The following ABLIM3 variants were observed in gnomAD, a reference collection of about 807,000 sequenced individuals.
ABLIM3 encodes the protein actin binding LIM protein family member 3, also known as actin-binding LIM protein 3.
In ABLIM3, 61 loss-of-function variants were observed where a neutral mutation model predicts 109.5. That is an observed-to-expected ratio of 0.56 (90% CI 0.45 to 0.69). ABLIM3 has a LOEUF of 0.69. ABLIM3 is among the 30% of genes least tolerant of loss of function. The pLI is 0.00. For missense variants in ABLIM3, 796 were observed against 889.5 expected, an observed-to-expected ratio of 0.89 and a Z score of 1.34; for synonymous variants, 300 against 324.8, an observed-to-expected ratio of 0.92 and a Z score of 0.82.
At chr5:149,152,487 G>T (rs907461440) in intron 2 of ABLIM3, among the ~76,000 whole-genome samples, 2 of 152,118 alleles carry the variant, frequency 1.3e-5, no homozygotes, top group African/African-American at 4.8e-5. Flanking sequence ...TTCCCAGAAG[G>T]GTGATGTCAT....
chr5:149,178,191 C>T (rs149053236), intron 2 of ABLIM3, among the ~76,000 whole-genome samples: 3,419 of 152,316 alleles, frequency 0.022, 63 homozygotes, highest in Non-Finnish European at 0.031. Context: ...ACAAGCCCCA[C>T]CTTTATGTTT....
At chr5:149,258,167 AG>A in intron 23 of ABLIM3, 123 bp from the exon 24 acceptor site, 1 of 705,540 alleles carries the variant, frequency 1.4e-6, no homozygotes, top group East Asian at 2.8e-5. Flanking sequence ...GCACCATGCA[AG>A]GCACAGGGTG....
chr5:149,190,879 A>G (rs1252826657), intron 3 of ABLIM3, among the ~76,000 whole-genome samples: 2 of 152,232 alleles, frequency 1.3e-5, no homozygotes, highest in Non-Finnish European at 2.9e-5. Flanking sequence ...AATGAAAATC[A>G]GAAAACTCTT....
intron 2 of ABLIM3, among the ~76,000 whole-genome samples, chr5:149,159,182 A>G (rs1299619021): frequency 2.0e-5 from 3 of 152,250 alleles, no homozygotes; most frequent in Non-Finnish European, 4.4e-5. Context: ...ACACAATGGC[A>G]TACTATTCAG....
At chr5:149,157,382 A>G (rs1753947130) in intron 2 of ABLIM3, among the ~76,000 whole-genome samples, 2 of 152,238 alleles carry the variant, frequency 1.3e-5, no homozygotes, top group Non-Finnish European at 2.9e-5. Context: ...CACAGCCCAC[A>G]TGCCTTGTAG....
intron 11 of ABLIM3, among the ~76,000 whole-genome samples, 197 bp from the exon 12 acceptor site, chr5:149,239,051 A>G (rs1330866989): frequency 6.6e-6 from 1 of 152,142 alleles, no homozygotes; most frequent in East Asian, 1.9e-4. Context: ...GGCGGGCATA[A>G]TCTCGAGGTT....
At chr5:149,205,975 T>C (rs1758924094) in intron 5 of ABLIM3, among the ~76,000 whole-genome samples, 1 of 152,206 alleles carries the variant, frequency 6.6e-6, no homozygotes. Context: ...CCCCTAACTT[T>C]ACATGCAGTT....
chr5:149,259,019 C>G lies in ABLIM3; in HGVS notation c.*615C>G. On this transcript the variant is annotated 3_prime_UTR_variant, in exon 24 of 24. Coordinates refer to ENST00000309868, the MANE Select transcript of ABLIM3 (RefSeq NM_014945.5). The stretch of plus-strand genomic sequence containing the variant: ...GCCTCTCCTCAGCTCCTTAACCCTC[C>G]TCCTTCTGCCCTGGATTGTAACCTC... 1.0e-6 allele frequency: 1 copy of G among 999,790 alleles called. No homozygotes were observed. The highest frequency in any genetic ancestry group is 1.2e-6 in the Non-Finnish European group (1 of 838,368). 61.9% of individuals were successfully genotyped at this position (999,790 alleles called of 1,614,324 possible).
chr5:149,243,143 A>G (rs1753027763), intron 15 of ABLIM3, among the ~76,000 whole-genome samples: 1 of 152,168 alleles, frequency 6.6e-6, no homozygotes, highest in Non-Finnish European at 1.5e-5. Flanking sequence ...TGATCTATGG[A>G]CCATCTGCAC....
chr5:149,236,028 G>A (rs1430915490), intron 10 of ABLIM3, among the ~76,000 whole-genome samples: 3 of 152,346 alleles, frequency 2.0e-5, no homozygotes, highest in Middle Eastern at 3.4e-3. Flanking sequence ...CAGGAAGGTT[G>A]CCAGGGGAAT....
At chr5:149,185,856 G>C (rs1221872053) in intron 3 of ABLIM3, among the ~76,000 whole-genome samples, 5 of 152,206 alleles carry the variant, frequency 3.3e-5, no homozygotes, top group Non-Finnish European at 7.3e-5. Context: ...AACGGAAACA[G>C]AAACCCTGCT....
At chr5:149,250,000 TG>T (rs1753770721) in intron 19 of ABLIM3, among the ~76,000 whole-genome samples, 156 bp downstream of exon 19, 1 of 152,194 alleles carries the variant, frequency 6.6e-6, no homozygotes, top group African/African-American at 2.4e-5. Flanking sequence ...TGTCAGATTG[TG>T]GGTCTGCATT....
intron 7 of ABLIM3, among the ~76,000 whole-genome samples, chr5:149,212,522 G>T (rs1191531911): frequency 6.6e-6 from 1 of 152,148 alleles, no homozygotes. Context: ...GCCCCTGCGT[G>T]ACCCAGGCAG....
intron 3 of ABLIM3, among the ~76,000 whole-genome samples, chr5:149,191,926 C>T (rs1001450767): frequency 8.5e-5 from 13 of 152,118 alleles, no homozygotes; most frequent in African/African-American, 2.9e-4. Context: ...GGCACGATCT[C>T]GGCTCACTGC....
intron 18 of ABLIM3, among the ~76,000 whole-genome samples, chr5:149,248,859 G>GACACACACACAC (rs55707887): frequency 0.011 from 1,597 of 144,642 alleles, 23 homozygotes; most frequent in African/African-American, 0.036. Flanking sequence ...CCTATTCCTG[G>GACACACACACAC]ACACACACAC....
At chr5:149,250,595 C>A in intron 20 of ABLIM3, 90 bp downstream of exon 20, 2 of 1,473,706 alleles carry the variant, frequency 1.4e-6, no homozygotes, top group Non-Finnish European at 1.9e-6. Context: ...GAAACCTGAG[C>A]AAAGGTCCTG....
intron 2 of ABLIM3, among the ~76,000 whole-genome samples, chr5:149,149,553 A>G (rs548760656): frequency 2.0e-5 from 3 of 152,348 alleles, no homozygotes; most frequent in East Asian, 3.9e-4. Context: ...GCATGGGTTG[A>G]AAAAGGGAAG....
chr5:149,158,214 C>T (rs1400870782), intron 2 of ABLIM3, among the ~76,000 whole-genome samples: 4 of 152,282 alleles, frequency 2.6e-5, no homozygotes, highest in South Asian at 2.1e-4. Flanking sequence ...ATAGAAATCA[C>T]GTGTCTATGG....
chr5:149,259,638 C>G lies in ABLIM3; in HGVS notation c.*1234C>G. ...CCATCCTGGATTTTCCCAGTGGCTTCCCTTCCTGCTCGCCTCCCTGAACAG... is the reference window on the plus strand; with the variant it reads ...CCATCCTGGATTTTCCCAGTGGCTTGCCTTCCTGCTCGCCTCCCTGAACAG... On this transcript the variant is annotated 3_prime_UTR_variant, in exon 24 of 24. Transcript: ENST00000309868. 1.3e-6 allele frequency: 2 copies of G among 1,503,108 alleles called. No homozygotes were observed. The highest frequency in any genetic ancestry group is 1.8e-6 in the Non-Finnish European group (2 of 1,116,770). The allele number at this position is 1,503,108 out of a possible 1,614,324, so 93.1% of individuals were successfully genotyped here. A position where few individuals can be genotyped will look rare whatever the true frequency, so the allele number is the denominator to read the frequency against.
Sources: gnomAD v4.1 joint callset for allele counts (sites outside exome capture counted in the v4.1 genomes callset) on GRCh38, gnomAD v4.1.1 for gene constraint, MANE v1.5 for transcripts, NCBI Gene and HGNC (gene_info 2026-07-23, HGNC 2026-07-21) for gene names.